KLF8: variants seen among roughly 807,000 people sequenced by gnomAD.
KLF8 encodes KLF transcription factor 8.
A neutral mutation model predicts 18.2 loss-of-function variants in KLF8; 10 were observed. The ratio of observed to expected loss-of-function variants is 0.55; its 90% CI spans 0.34 to 0.93. The LOEUF (loss-of-function observed/expected upper bound fraction) is 0.93, where lower values mean the gene tolerates loss of function less well. KLF8 is among the 40% of genes least tolerant of loss of function. The pLI is 0.02. For synonymous variants in KLF8, 109 were observed against 97.3 expected, an observed-to-expected ratio of 1.12 and a Z score of -0.71; for missense variants, 264 against 277.9, an observed-to-expected ratio of 0.95 and a Z score of 0.36.
At chrX:55,923,165 C>T in the KLF8 span, among the ~76,000 whole-genome samples, 2 of 110,732 alleles carry the variant, frequency 1.8e-5, no homozygotes, top group East Asian at 5.7e-4. Flanking sequence ...GATAAGATCA[C>T]GTCCTTTGCA....
At chrX:56,118,439 C>T in the KLF8 span, among the ~76,000 whole-genome samples, 3 of 111,340 alleles carry the variant, frequency 2.7e-5, no homozygotes, top group African/African-American at 9.8e-5. Flanking sequence ...CTTATCATTA[C>T]TATTTGTATT....
chrX:56,125,508 T>A, the KLF8 span, among the ~76,000 whole-genome samples: 1 of 112,476 alleles, frequency 8.9e-6, no homozygotes, highest in East Asian at 2.8e-4. Flanking sequence ...TATGAGGCCT[T>A]CAAGTCACAT....
At chrX:55,999,738 G>T in the KLF8 span, among the ~76,000 whole-genome samples, 1 of 110,774 alleles carries the variant, frequency 9.0e-6, no homozygotes, top group African/African-American at 3.3e-5. Flanking sequence ...TCAAATTTAG[G>T]AGTCTTCTGG....
At chrX:56,122,468 T>C in the KLF8 span, among the ~76,000 whole-genome samples, 1 of 112,037 alleles carries the variant, frequency 8.9e-6, no homozygotes, top group Non-Finnish European at 1.9e-5. Context: ...ATACTGATGA[T>C]AGTATTAATA....
the KLF8 span, among the ~76,000 whole-genome samples, chrX:56,197,825 T>C: frequency 5.4e-5 from 6 of 111,971 alleles, no homozygotes; most frequent in African/African-American, 9.7e-5. Flanking sequence ...TGAACATCGA[T>C]GCAAAAATCC....
the KLF8 span, among the ~76,000 whole-genome samples, chrX:55,995,616 T>A: frequency 8.9e-6 from 1 of 112,121 alleles, no homozygotes; most frequent in Non-Finnish European, 1.9e-5. Flanking sequence ...CTGAATGGAA[T>A]TTTATTTCCC....
chrX:55,982,338 C>G, the KLF8 span, among the ~76,000 whole-genome samples: 96 of 111,641 alleles, frequency 8.6e-4, no homozygotes, highest in African/African-American at 2.7e-3. Flanking sequence ...AGGTCAGAGG[C>G]CATAGAGCTT....
chrX:55,969,719 G>A, the KLF8 span, among the ~76,000 whole-genome samples: 1 of 110,979 alleles, frequency 9.0e-6, no homozygotes, highest in Admixed American at 9.6e-5. Context: ...AAAGAGAGAA[G>A]ACCCAAATAA....
the KLF8 span, among the ~76,000 whole-genome samples, chrX:56,079,868 G>C: frequency 3.6e-5 from 4 of 111,272 alleles, no homozygotes; most frequent in African/African-American, 6.5e-5. Flanking sequence ...ATAGTTAGCT[G>C]TTCTTGTTGA....
chrX:56,199,072 C>T, the KLF8 span, among the ~76,000 whole-genome samples: 2 of 111,648 alleles, frequency 1.8e-5, no homozygotes, highest in Non-Finnish European at 3.8e-5. Flanking sequence ...TTCCTTACAG[C>T]TTATAAAGAA....
At chrX:55,970,740 C>G in the KLF8 span, among the ~76,000 whole-genome samples, 2 of 111,507 alleles carry the variant, frequency 1.8e-5, no homozygotes, top group African/African-American at 6.5e-5. Context: ...AACATGCAAT[C>G]ATCAGTAGGA....
chrX:56,174,693 G>A, the KLF8 span, among the ~76,000 whole-genome samples: 3 of 111,612 alleles, frequency 2.7e-5, no homozygotes, highest in Non-Finnish European at 5.7e-5. Context: ...CCTTGTACCT[G>A]TGGTAGATTT....
the KLF8 span, among the ~76,000 whole-genome samples, chrX:56,196,077 G>A: frequency 8.9e-6 from 1 of 111,748 alleles, no homozygotes; most frequent in Non-Finnish European, 1.9e-5. Flanking sequence ...AGTTCCTAAA[G>A]CAAGCATGAA....
the KLF8 span, among the ~76,000 whole-genome samples, chrX:56,152,917 A>G: frequency 8.9e-6 from 1 of 112,039 alleles, no homozygotes; most frequent in South Asian, 3.7e-4. Context: ...ATGAGCTCAC[A>G]TAGCATAGCA....
chrX:56,236,597 C>A (rs751198769), intron 1 of KLF8, among the ~76,000 whole-genome samples: 1 of 111,225 alleles, frequency 9.0e-6, no homozygotes, highest in Non-Finnish European at 1.9e-5. Context: ...GCCTACAGAC[C>A]AACTAAAGCT....
At chrX:56,137,614 A>AG in the KLF8 span, among the ~76,000 whole-genome samples, 1 of 55,625 alleles carries the variant, frequency 1.8e-5, no homozygotes, top group South Asian at 1.6e-3. Context: ...GGGTGGGGGG[A>AG]GGGGGGAGGG....
chrX:56,127,250 A>G, the KLF8 span, among the ~76,000 whole-genome samples: 5 of 111,689 alleles, frequency 4.5e-5, no homozygotes, highest in East Asian at 1.4e-3. Context: ...TGTTTTGTTT[A>G]TCAATGTATC....
chrX:55,975,268 G>A, the KLF8 span, among the ~76,000 whole-genome samples: 2 of 111,264 alleles, frequency 1.8e-5, no homozygotes, highest in Non-Finnish European at 3.8e-5. Context: ...GCAAGACCCT[G>A]AAGAGAGAAT....
chrX:56,034,759 T>TC, the KLF8 span, among the ~76,000 whole-genome samples: 1 of 81,129 alleles, frequency 1.2e-5, no homozygotes, highest in South Asian at 7.1e-4. Context: ...TTTTTTTTTT[T>TC]TTTTTTTTTT....
Sources: gnomAD v4.1 joint callset for allele counts (sites outside exome capture counted in the v4.1 genomes callset) on GRCh38, gnomAD v4.1.1 for gene constraint, MANE v1.5 for transcripts, NCBI Gene and HGNC (gene_info 2026-07-23, HGNC 2026-07-21) for gene names.